The following DAD1 variants were observed in gnomAD, a reference collection of about 807,000 sequenced individuals.
DAD1 encodes dolichyl-diphosphooligosaccharide--protein glycosyltransferase subunit DAD1.
In DAD1, 4 loss-of-function variants were observed where a neutral mutation model predicts 9.0. The observed-to-expected ratio is 0.44, with a 90% CI of 0.22 to 1.01. The LOEUF (loss-of-function observed/expected upper bound fraction) is 1.01, where lower values mean the gene tolerates loss of function less well. Ranked by LOEUF, DAD1 falls within the 50% of genes least tolerant of loss-of-function variation. The pLI, the probability that DAD1 is intolerant of heterozygous loss-of-function variation, is 0.24. For synonymous variants in DAD1, 60 were observed against 62.5 expected, an observed-to-expected ratio of 0.96 and a Z score of 0.19; for missense variants, 119 against 137.3, an observed-to-expected ratio of 0.87 and a Z score of 0.67.
chr14:22,585,036 G>C (rs1376502063), intron 1 of DAD1, among the ~76,000 whole-genome samples: 2 of 152,184 alleles, frequency 1.3e-5, no homozygotes, highest in Admixed American at 6.5e-5. Flanking sequence ...CTAATCTCTC[G>C]GATAACAGTT....
At chr14:22,576,624 T>C (rs1204826304) in intron 1 of DAD1, among the ~76,000 whole-genome samples, 1 of 152,182 alleles carries the variant, frequency 6.6e-6, no homozygotes, top group Non-Finnish European at 1.5e-5. Context: ...TAAATTGGAC[T>C]ATATCAAAGT....
chr14:22,585,596 C>T, intron 1 of DAD1, among the ~76,000 whole-genome samples: 1 of 152,186 alleles, frequency 6.6e-6, no homozygotes, highest in East Asian at 1.9e-4. Context: ...AAAAAAAGAT[C>T]TCTCAATGAC....
At position 22,565,155 on chromosome 14, in the gene DAD1, C is replaced by A; in HGVS notation, c.*45-18G>T. 1.4e-6 allele frequency: 1 copy of A among 702,202 alleles called. No homozygotes were observed. The highest frequency in any genetic ancestry group is 2.0e-5 in the Admixed American group (1 of 49,998). The allele number at this position is 702,202 out of a possible 1,614,324, so 43.5% of individuals were successfully genotyped here. ...GAGTGAACCTAGAAGAAAAAAGCAG[C>A]AAGGTTAAATGTCTTATGATACTAG... is the stretch of plus-strand genomic sequence containing the variant. On this transcript the variant is annotated intron_variant, in intron 2 of 2. Coordinates refer to ENST00000250498, the MANE Select transcript of DAD1 (RefSeq NM_001344.4).
At chr14:22,571,381 T>C (rs1281147890) in intron 2 of DAD1, among the ~76,000 whole-genome samples, 1 of 149,740 alleles carries the variant, frequency 6.7e-6, no homozygotes, top group Non-Finnish European at 1.5e-5. Flanking sequence ...CTAAAGTATA[T>C]ACATTTTTAA....
chr14:22,581,453 G>A (rs2037114784), intron 1 of DAD1, among the ~76,000 whole-genome samples: 1 of 152,048 alleles, frequency 6.6e-6, no homozygotes, highest in Non-Finnish European at 1.5e-5. Context: ...ATAAACACAA[G>A]GACAGACGCC....
chr14:22,585,565 C>T (rs958057619), intron 1 of DAD1, among the ~76,000 whole-genome samples: 4 of 152,194 alleles, frequency 2.6e-5, no homozygotes, highest in Non-Finnish European at 5.9e-5. Flanking sequence ...ATATTATACT[C>T]TGATGATCCA....
At position 22,589,185 on chromosome 14, in the gene DAD1, G is replaced by A. The variant is rs758216701; in HGVS notation, c.-28C>T. The A allele has an allele frequency of 7.4e-6, 12 of 1,611,584 alleles. No homozygotes were observed. The African/African-American group carries it at 1.1e-4, about 14-fold the overall frequency. On this transcript the variant is annotated 5_prime_UTR_variant, in exon 1 of 3. Coordinates refer to ENST00000250498, the MANE Select transcript of DAD1 (RefSeq NM_001344.4). The stretch of plus-strand genomic sequence containing the variant: ...CTGCACGCAAGGTACTCCGGTCCGC[G>A]CCCCAAACTCTTGGAGGACCCGTCG...
intron 1 of DAD1, among the ~76,000 whole-genome samples, chr14:22,581,758 A>AT (rs2139245208): frequency 6.6e-6 from 1 of 150,934 alleles, no homozygotes; most frequent in Non-Finnish European, 1.5e-5. Context: ...AAAAAAAAAA[A>AT]AAAAAAAAAA....
intron 2 of DAD1, chr14:22,567,070 C>CA (rs1381633256): frequency 3.3e-5 from 5 of 152,204 alleles, no homozygotes. Flanking sequence ...TCAAGACATG[C>CA]AAAATGAAGA....
chr14:22,588,014 G>T (rs938695080), intron 1 of DAD1, among the ~76,000 whole-genome samples: 1 of 152,188 alleles, frequency 6.6e-6, no homozygotes, highest in Non-Finnish European at 1.5e-5. Flanking sequence ...GGGATTACAG[G>T]CATGAGCCAC....
chr14:22,586,382 C>G (rs1419634744), intron 1 of DAD1, among the ~76,000 whole-genome samples: 1 of 150,412 alleles, frequency 6.6e-6, no homozygotes, highest in Non-Finnish European at 1.5e-5. Context: ...TCCGTCTCCA[C>G]TAAAAATACA....
chr14:22,569,676 G>A (rs2037025315), intron 2 of DAD1, among the ~76,000 whole-genome samples: 1 of 152,106 alleles, frequency 6.6e-6, no homozygotes, highest in Non-Finnish European at 1.5e-5. Flanking sequence ...AGTAAGTTAG[G>A]GCAGCAATGA....
chr14:22,570,619 T>C (rs1417496892), intron 2 of DAD1, among the ~76,000 whole-genome samples: 1 of 152,186 alleles, frequency 6.6e-6, no homozygotes, highest in Non-Finnish European at 1.5e-5. Flanking sequence ...CGAGGTAATT[T>C]TCTAGATTAC....
chr14:22,578,110 G>A (rs527810962), intron 1 of DAD1, among the ~76,000 whole-genome samples: 2 of 151,696 alleles, frequency 1.3e-5, no homozygotes, highest in South Asian at 2.1e-4. Flanking sequence ...AAAATTAGCC[G>A]GGCATGGTGG....
chr14:22,573,709 CA>C (rs553176098), intron 2 of DAD1, among the ~76,000 whole-genome samples: 735 of 44,494 alleles, frequency 0.017, 1 homozygote, highest in African/African-American at 0.032. Context: ...GACTCCATCT[CA>C]AAAAAAAAAA....
chr14:22,578,063 G>C, intron 1 of DAD1, among the ~76,000 whole-genome samples: 1 of 151,688 alleles, frequency 6.6e-6, no homozygotes, highest in East Asian at 1.9e-4. Context: ...AGACCAGCCT[G>C]ACCAACATGG....
At chr14:22,577,604 AAG>A (rs1187060952) in intron 1 of DAD1, among the ~76,000 whole-genome samples, 4 of 152,228 alleles carry the variant, frequency 2.6e-5, no homozygotes, top group African/African-American at 9.6e-5. Flanking sequence ...TCAGCCTTAA[AAG>A]GAAGGAAATT....
chr14:22,575,320 A>T (rs1406814880), intron 1 of DAD1, 87 bp from the exon 2 acceptor site: 5 of 1,440,420 alleles, frequency 3.5e-6, no homozygotes, highest in Non-Finnish European at 4.7e-6. Context: ...CGAGGACCCA[A>T]CAATTCTACT....
Position 22,588,953 on chromosome 14 carries a change from G to C in DAD1, c.205C>G (p.Leu69Val), listed in dbSNP as rs1325706194. ...TCACTTATAGAACCATTACCCGCTA[G>C]GATGAAACTCCCCACACAAGAGATG... ...GFISCVGSFI[L>V]AVCLRIQINP... is the part of the protein sequence containing the mutation. Residue 69 changes from leucine to valine, a missense_variant, in exon 1 of 3, where the codon CTA (leucine) becomes GTA (valine). By Grantham distance (32) the Leu-to-Val change is conservative. Transcript: ENST00000250498. 8.1e-6 allele frequency: 13 copies of C among 1,613,922 alleles called. No individual in the cohort carries two copies. Among genetic ancestry groups the C allele is most frequent in the Non-Finnish European group, 1.0e-5 (12 of 1,179,962 alleles).
Sources: allele counts gnomAD v4.1 joint callset (sites outside exome capture counted in the v4.1 genomes callset), GRCh38; gene constraint gnomAD v4.1.1; transcripts MANE v1.5; gene names NCBI Gene and HGNC (gene_info 2026-07-23, HGNC 2026-07-21).